The following IMMP2L variants were observed in gnomAD, a reference collection of about 807,000 sequenced individuals.
IMMP2L encodes inner mitochondrial membrane peptidase subunit 2.
IMMP2L carries 18 observed loss-of-function variants against 19.3 expected under a neutral mutation model. The observed-to-expected ratio is 0.93, with a 90% CI of 0.64 to 1.38. The LOEUF is 1.38. Ranked by LOEUF, IMMP2L falls within the 40% of genes most tolerant of loss-of-function variation. The pLI, the probability that IMMP2L is intolerant of heterozygous loss-of-function variation, is 0.00. For missense variants in IMMP2L, 233 were observed against 218.2 expected (o/e 1.07, Z -0.43); for synonymous variants, 76 against 73.0 (o/e 1.04, Z -0.21).
intron 5 of IMMP2L, among the ~76,000 whole-genome samples, chr7:110,698,261 T>C (rs911502652): frequency 6.6e-6 from 1 of 152,194 alleles, no homozygotes; most frequent in Non-Finnish European, 1.5e-5. Flanking sequence ...GTGCCTAAGA[T>C]AATGTGTTCT....
At chr7:111,049,421 G>A (rs1333670625) in intron 3 of IMMP2L, among the ~76,000 whole-genome samples, 2 of 151,878 alleles carry the variant, frequency 1.3e-5, no homozygotes, top group East Asian at 1.9e-4. Context: ...GTGAGCCACC[G>A]CGCCCGGCCG....
At chr7:111,512,357 A>G (rs1845525966) in intron 2 of IMMP2L, among the ~76,000 whole-genome samples, 1 of 152,212 alleles carries the variant, frequency 6.6e-6, no homozygotes, top group Non-Finnish European at 1.5e-5. Context: ...TTGCCTAAGG[A>G]AAGAGATGGG....
At chr7:110,827,849 G>T (rs966607374) in intron 5 of IMMP2L, among the ~76,000 whole-genome samples, 2 of 152,042 alleles carry the variant, frequency 1.3e-5, no homozygotes, top group Admixed American at 6.5e-5. Flanking sequence ...ATATTATGAA[G>T]ATGAACATAG....
At chr7:111,363,244 T>C (rs887406608) in intron 3 of IMMP2L, among the ~76,000 whole-genome samples, 3 of 152,060 alleles carry the variant, frequency 2.0e-5, no homozygotes, top group African/African-American at 4.8e-5. Flanking sequence ...AGTATGGACT[T>C]CAGGACAAGA....
intron 3 of IMMP2L, among the ~76,000 whole-genome samples, chr7:111,010,525 T>C (rs950054046): frequency 1.3e-5 from 2 of 152,216 alleles, no homozygotes; most frequent in Non-Finnish European, 1.5e-5. Flanking sequence ...ATTAAAACTA[T>C]GGAGATTTTA....
chr7:111,192,583 C>G (rs1339176006), intron 3 of IMMP2L, among the ~76,000 whole-genome samples: 1 of 152,018 alleles, frequency 6.6e-6, no homozygotes, highest in African/African-American at 2.4e-5. Context: ...TTATAGTTGA[C>G]AACAGATACA....
chr7:111,480,741 G>A (rs1175685244), intron 3 of IMMP2L, among the ~76,000 whole-genome samples: 1 of 151,832 alleles, frequency 6.6e-6, no homozygotes, highest in Non-Finnish European at 1.5e-5. Context: ...TTTGGCCATA[G>A]ATTTTAAAAA....
intron 1 of IMMP2L, among the ~76,000 whole-genome samples, chr7:111,542,141 T>C (rs1848553798): frequency 6.6e-6 from 1 of 152,114 alleles, no homozygotes; most frequent in Admixed American, 6.5e-5. Flanking sequence ...ATAGTAAGGT[T>C]TTGTTTCATT....
intron 3 of IMMP2L, among the ~76,000 whole-genome samples, chr7:111,398,569 C>T (rs1833102586): frequency 6.6e-6 from 1 of 152,008 alleles, no homozygotes; most frequent in African/African-American, 2.4e-5. Context: ...TGGAACAAGA[C>T]AAGGATGCCC....
chr7:110,967,520 A>G (rs1012461620), intron 3 of IMMP2L, among the ~76,000 whole-genome samples: 9 of 152,082 alleles, frequency 5.9e-5, no homozygotes, highest in African/African-American at 1.9e-4. Flanking sequence ...TTATATTCAT[A>G]TGGTTCAGAA....
At chr7:111,513,910 T>C (rs775331657) in intron 2 of IMMP2L, among the ~76,000 whole-genome samples, 1 of 152,032 alleles carries the variant, frequency 6.6e-6, no homozygotes, top group Non-Finnish European at 1.5e-5. Context: ...GAGAACATTA[T>C]GTTAAATGAA....
chr7:111,030,241 C>T (rs550520503), intron 3 of IMMP2L, among the ~76,000 whole-genome samples: 2 of 152,176 alleles, frequency 1.3e-5, no homozygotes, highest in East Asian at 3.9e-4. Context: ...TTAGTCACTT[C>T]CTACACTTCC....
intron 3 of IMMP2L, among the ~76,000 whole-genome samples, chr7:111,118,005 A>G (rs1452929391): frequency 1.3e-5 from 2 of 152,026 alleles, no homozygotes. Flanking sequence ...TCCTCACTAT[A>G]CCCCAGCTGA....
intron 2 of IMMP2L, among the ~76,000 whole-genome samples, chr7:111,509,993 T>C (rs1023237636): frequency 2.0e-5 from 3 of 152,174 alleles, no homozygotes; most frequent in African/African-American, 7.2e-5. Flanking sequence ...AGAGTAGAGT[T>C]ATTATTAACC....
chr7:110,675,043 A>G (rs2130378761), intron 5 of IMMP2L, among the ~76,000 whole-genome samples: 1 of 152,270 alleles, frequency 6.6e-6, no homozygotes, highest in African/African-American at 2.4e-5. Context: ...ATCCAGTTCT[A>G]CCCAATATAA....
At chr7:111,331,418 A>G (rs74652895) in intron 3 of IMMP2L, among the ~76,000 whole-genome samples, 4,884 of 151,984 alleles carry the variant, frequency 0.032, 259 homozygotes, top group African/African-American at 0.11. Flanking sequence ...AAAGCAGTTC[A>G]GGCAGTAAGG....
intron 3 of IMMP2L, among the ~76,000 whole-genome samples, chr7:110,992,365 C>T (rs1037369718): frequency 2.6e-5 from 4 of 151,844 alleles, no homozygotes; most frequent in African/African-American, 9.7e-5. Flanking sequence ...ACTAGATTTG[C>T]ATAACATAAC....
intron 3 of IMMP2L, among the ~76,000 whole-genome samples, chr7:111,243,269 T>G (rs1262722681): frequency 6.6e-6 from 1 of 151,834 alleles, no homozygotes; most frequent in Non-Finnish European, 1.5e-5. Flanking sequence ...GCTAAAAGAG[T>G]TCTCAATAAA....
intron 3 of IMMP2L, among the ~76,000 whole-genome samples, chr7:111,361,930 T>C (rs1829297714): frequency 6.6e-6 from 1 of 152,160 alleles, no homozygotes; most frequent in Non-Finnish European, 1.5e-5. Flanking sequence ...TTTTCTCTCA[T>C]ATTCCTAAAA....
Sources: allele counts gnomAD v4.1 joint callset (sites outside exome capture counted in the v4.1 genomes callset), GRCh38; gene constraint gnomAD v4.1.1; transcripts MANE v1.5; gene names NCBI Gene and HGNC (gene_info 2026-07-23, HGNC 2026-07-21).